Variants in PEMT observed in about 807,000 individuals in gnomAD.
PEMT encodes the protein phosphatidylethanolamine N-methyltransferase.
A neutral mutation model predicts 27.4 loss-of-function variants in PEMT; 23 were observed. That is an observed-to-expected ratio of 0.84 (90% CI 0.60 to 1.19). The LOEUF is 1.19. Ranked by LOEUF, PEMT falls within the 50% of genes most tolerant of loss-of-function variation. PEMT has a pLI of 0.00. For missense variants in PEMT, 307 were observed against 310.1 expected (o/e 0.99, Z 0.07); for synonymous variants, 137 against 139.1 (o/e 0.98, Z 0.11).
chr17:17,550,864 G>A lies in PEMT; in HGVS notation c.204+26056C>T, dbSNP rs553022433. On this transcript the variant is annotated intron_variant, in intron 2 of 6. Coordinates refer to ENST00000255389, the MANE Select transcript of PEMT (RefSeq NM_148172.3). The stretch of plus-strand genomic sequence containing the variant: ...AAAGCAGAGTACAGAGAAAGCCCAC[G>A]GAGTCGTGAGAGCACACAAACTCCA... Among the ~76,000 whole-genome samples, 6 of 152,296 alleles carry A rather than the reference G, an allele frequency of 3.9e-5. No homozygotes were observed. The South Asian group carries it at 6.2e-4, about 16-fold the overall frequency.
chr17:17,547,285 T>C (rs1909325369), intron 2 of PEMT, among the ~76,000 whole-genome samples: 1 of 152,092 alleles, frequency 6.6e-6, no homozygotes, highest in African/African-American at 2.4e-5. Context: ...CACAGATCTG[T>C]TCTTCAGGTA....
chr17:17,541,279 G>A (rs1908866295), intron 2 of PEMT, among the ~76,000 whole-genome samples: 3 of 152,204 alleles, frequency 2.0e-5, no homozygotes, highest in Admixed American at 1.3e-4. Flanking sequence ...AGGTGCGGTG[G>A]TGCCTCAAAG....
chr17:17,585,516 T>G (rs1912199178), intron 1 of PEMT, among the ~76,000 whole-genome samples: 1 of 152,172 alleles, frequency 6.6e-6, no homozygotes. Flanking sequence ...GGTCACCAAG[T>G]CTGCCCAGAA....
chr17:17,529,166 G>A (rs1036048513), intron 2 of PEMT, among the ~76,000 whole-genome samples: 16 of 152,196 alleles, frequency 1.1e-4, no homozygotes, highest in Non-Finnish European at 7.3e-5. Flanking sequence ...AGGTCGCACC[G>A]TGTCAGCCCC....
intron 2 of PEMT, among the ~76,000 whole-genome samples, chr17:17,531,658 C>T (rs1042244641): frequency 1.2e-4 from 16 of 138,512 alleles, no homozygotes; most frequent in African/African-American, 4.0e-4. Context: ...AACTTCAATC[C>T]ATAACTCAGA....
chr17:17,577,036 A>C lies in PEMT; in HGVS notation c.97-9T>G. 1.2e-6 allele frequency: 2 copies of C among 1,607,572 alleles called. No homozygotes were observed. The highest frequency in any genetic ancestry group is 1.7e-6 in the Non-Finnish European group (2 of 1,174,334). ...ATAACGCAGAAGTCTGCCTGCAGGG[A>C]CAGAGCTAGCATCAGCACCACCCAG... On this transcript the variant is annotated splice_polypyrimidine_tract_variant and intron_variant, in intron 1 of 6. Coordinates refer to ENST00000255389, the MANE Select transcript of PEMT (RefSeq NM_148172.3).
chr17:17,572,030 C>G (rs1051839884), intron 2 of PEMT, among the ~76,000 whole-genome samples: 2 of 152,186 alleles, frequency 1.3e-5, no homozygotes, highest in South Asian at 4.1e-4. Context: ...CAAGGACATC[C>G]GTGTCTGACA....
intron 2 of PEMT, among the ~76,000 whole-genome samples, chr17:17,531,659 A>G (rs1413122094): frequency 1.3e-5 from 2 of 149,322 alleles, no homozygotes; most frequent in Non-Finnish European, 3.0e-5. Context: ...ACTTCAATCC[A>G]TAACTCAGAA....
chr17:17,574,541 G>A (rs984544822), intron 2 of PEMT, among the ~76,000 whole-genome samples: 4 of 151,994 alleles, frequency 2.6e-5, no homozygotes, highest in Non-Finnish European at 2.9e-5. Flanking sequence ...GGCTGGTCTC[G>A]AACTCCTGAC....
chr17:17,540,683 G>C (rs932350737), intron 2 of PEMT, among the ~76,000 whole-genome samples: 1 of 152,180 alleles, frequency 6.6e-6, no homozygotes, highest in Non-Finnish European at 1.5e-5. Flanking sequence ...CAGGGTCCCC[G>C]CAGCACAGCC....
intron 2 of PEMT, among the ~76,000 whole-genome samples, chr17:17,547,654 T>TTCCTCCTCCTCC (rs554459182): frequency 2.6e-4 from 39 of 151,594 alleles, no homozygotes; most frequent in African/African-American, 8.9e-4. Context: ...CTCCCTCCTC[T>TTCCTCCTCCTCC]TCCTCCTCCT....
At chr17:17,540,341 G>A (rs971803350) in intron 2 of PEMT, among the ~76,000 whole-genome samples, 6 of 152,212 alleles carry the variant, frequency 3.9e-5, no homozygotes, top group African/African-American at 1.2e-4. Context: ...CCTCCTCTGC[G>A]CCTGCTTTGC....
At chr17:17,540,868 A>G (rs1337106245) in intron 2 of PEMT, among the ~76,000 whole-genome samples, 1 of 152,232 alleles carries the variant, frequency 6.6e-6, no homozygotes, top group Non-Finnish European at 1.5e-5. Flanking sequence ...ACCTCAAGGC[A>G]TACAACAGGT....
intron 2 of PEMT, among the ~76,000 whole-genome samples, chr17:17,566,243 A>G (rs530148823): frequency 6.6e-5 from 10 of 152,334 alleles, no homozygotes; most frequent in Non-Finnish European, 1.5e-4. Flanking sequence ...GGAGTTTTAC[A>G]GGGAGAGAAA....
chr17:17,574,802 G>A (rs1378520291), intron 2 of PEMT, among the ~76,000 whole-genome samples: 1 of 152,142 alleles, frequency 6.6e-6, no homozygotes, highest in East Asian at 1.9e-4. Context: ...CCCAGTGCTG[G>A]GAGACCCATA....
Position 17,506,259 on chromosome 17 carries a change from G to A in PEMT, c.621C>T (p.Ala207=). 1 of 1,585,066 alleles carries A rather than the reference G, an allele frequency of 6.3e-7. No homozygotes were observed. The highest frequency in any genetic ancestry group is 8.6e-7 in the Non-Finnish European group (1 of 1,164,944). The part of the protein sequence containing the change: ...PTGLLLTVLV[A]LTYIVALLYE... The stretch of plus-strand genomic sequence containing the variant: ...ATAGGAGAGCCACTATGTAGGTGAG[G>A]GCCACCAGCACCGTCAGGAGCAGGC... Residue 207 remains alanine, a synonymous_variant, in exon 6 of 7, where the codon GCC becomes GCT. Transcript: ENST00000255389.
At position 17,582,041 on chromosome 17, in the gene PEMT, T is replaced by TG. The variant is rs1316093521; in HGVS notation, c.97-5015dup. ...AGACGTGAGCAGAGTAGGAGAGTCC[T>TG]GGGTCCCACATCCAGGCTCTGCCTC... On this transcript the variant is annotated intron_variant, in intron 1 of 6. Transcript: ENST00000255389. This position sits in a 1 kb window ranked among gnomAD's most constrained non-coding sequence, Gnocchi z 4.9. Among the ~76,000 whole-genome samples, 1 of 152,162 alleles carries TG rather than the reference T, an allele frequency of 6.6e-6. No homozygotes were observed. Among genetic ancestry groups the TG allele is most frequent in the Non-Finnish European group, 1.5e-5 (1 of 68,038 alleles).
intron 1 of PEMT, among the ~76,000 whole-genome samples, chr17:17,587,193 G>GCCT (rs1391362758): frequency 6.6e-6 from 1 of 151,944 alleles, no homozygotes; most frequent in Non-Finnish European, 1.5e-5. Flanking sequence ...CCTCCAGCCA[G>GCCT]CCTGACCAAG....
intron 2 of PEMT, among the ~76,000 whole-genome samples, chr17:17,524,702 C>A (rs552454507): frequency 1.3e-5 from 2 of 152,230 alleles, no homozygotes; most frequent in South Asian, 4.1e-4. Flanking sequence ...CCACTGTACC[C>A]CAGCCTGAAG....
Sources: gnomAD v4.1 joint callset for allele counts (sites outside exome capture counted in the v4.1 genomes callset) on GRCh38, gnomAD v4.1.1 for gene constraint, Gnocchi (gnomAD v3.1) non-coding constraint, MANE v1.5 for transcripts, NCBI Gene and HGNC (gene_info 2026-07-23, HGNC 2026-07-21) for gene names.